Variants in LCE2B observed in about 807,000 individuals in gnomAD.
The protein encoded by LCE2B is late cornified envelope 2B, also known as late cornified envelope protein 2B.
For missense variants in LCE2B, 175 were observed against 141.6 expected, an observed-to-expected ratio of 1.24 and a Z score of -1.20; for synonymous variants, 69 against 52.0, an observed-to-expected ratio of 1.33 and a Z score of -1.40.
chr1:152,687,103 A>T lies in LCE2B; in HGVS notation c.260A>T (p.Gln87Leu). The stretch of plus-strand genomic sequence containing the variant: ...CGTCTCTTCCACCGGCGCCGGCACC[A>T]GAGCCCCGACTGCTGTGAGAGTGAA... ...RPRLFHRRRH[Q>L]SPDCCESEPS... The change falls in exon 2 of 2, where the codon CAG becomes CTG. Residue 87 changes from glutamine (Q) to leucine (L), a missense_variant. Transcript: ENST00000368780. 6.2e-7 allele frequency: 1 copy of T among 1,613,630 alleles called. No individual in the cohort carries two copies. The highest frequency in any genetic ancestry group is 8.5e-7 in the Non-Finnish European group (1 of 1,179,922).
rs539790212 is a variant in LCE2B at position 152,686,953 on chromosome 1, C to A, written c.110C>A (p.Pro37Gln). Residue 37 changes from proline to glutamine, a missense_variant, in exon 2 of 2, where the codon CCA (proline) becomes CAA (glutamine). Physicochemically the swap from Pro to Gln is moderately conservative, Grantham distance 76. Transcript: ENST00000368780. ...CCCCCTAAATGCCTGCCCCAGTGCC[C>A]AGCTCCATGTTCCCCTGCAGTCTCT... is the stretch of plus-strand genomic sequence containing the variant. ...KCPPKCLPQC[P>Q]APCSPAVSSC... 5 of 1,614,042 alleles carry A rather than the reference C, an allele frequency of 3.1e-6. No individual in the cohort carries two copies. The African/African-American group carries it at 6.7e-5, about 22-fold the overall frequency.
rs752085254 is a variant in LCE2B at position 152,687,218 on chromosome 1, C to T, written c.*42C>T. 6.3e-7 allele frequency: 1 copy of T among 1,576,176 alleles called. No individual in the cohort carries two copies. Among genetic ancestry groups the T allele is most frequent in the Non-Finnish European group, 8.6e-7 (1 of 1,162,776 alleles). ...CTCTTTGGACAGAATGTTTAAGAAC[C>T]TCCTACAGCCTGATGCTTAACCCTT... On this transcript the variant is annotated 3_prime_UTR_variant, in exon 2 of 2. Transcript: ENST00000368780.
intron 1 of LCE2B, among the ~76,000 whole-genome samples, 187 bp from the exon 2 acceptor site, chr1:152,686,637 T>C (rs948710595): frequency 6.6e-6 from 1 of 151,886 alleles, no homozygotes; most frequent in Non-Finnish European, 1.5e-5. Flanking sequence ...AATACGAAGC[T>C]CATTCGGTTG....
chr1:152,687,285 A>G lies in LCE2B; in HGVS notation c.*109A>G. The G allele has an allele frequency of 1.4e-6, 2 of 1,468,130 alleles. No individual in the cohort carries two copies. Among genetic ancestry groups the G allele is most frequent in the Non-Finnish European group, 1.8e-6 (2 of 1,099,448 alleles). The allele number at this position is 1,468,130 out of a possible 1,614,324, so 90.9% of individuals were successfully genotyped here. Reference sequence around the variant, plus strand: ...CCATTCATGGGTGGACAGCGACCACAAAGACTCATGGGGCTTCCCTGGGAG... The same window carrying G: ...CCATTCATGGGTGGACAGCGACCACGAAGACTCATGGGGCTTCCCTGGGAG... On this transcript the variant is annotated 3_prime_UTR_variant, in exon 2 of 2. Coordinates refer to ENST00000368780, the MANE Select transcript of LCE2B (RefSeq NM_014357.5).
rs1319113415 is a variant in LCE2B at position 152,687,048 on chromosome 1, G to A, written c.205G>A (p.Gly69Ser). ...SSGGCCNSGAGGCCLSHHRPR... is the reference protein window; with the variant it reads ...SSGGCCNSGASGCCLSHHRPR... ...TGGGGGCTGCTGCAACTCTGGGGCTGGTGGCTGCTGCCTGAGCCACCACAG... is the reference window on the plus strand; with the variant it reads ...TGGGGGCTGCTGCAACTCTGGGGCTAGTGGCTGCTGCCTGAGCCACCACAG... The change falls in exon 2 of 2, where the codon GGT becomes AGT. Residue 69 changes from glycine to serine, a missense_variant. Coordinates refer to ENST00000368780, the MANE Select transcript of LCE2B (RefSeq NM_014357.5). The A allele has an allele frequency of 8.7e-6, 14 of 1,613,600 alleles. No individual in the cohort carries two copies. The highest frequency in any genetic ancestry group is 1.2e-5 in the Non-Finnish European group (14 of 1,179,906).
chr1:152,686,658 G>A (rs550730925), intron 1 of LCE2B, among the ~76,000 whole-genome samples, 166 bp from the exon 2 acceptor site: 1 of 151,564 alleles, frequency 6.6e-6, no homozygotes, highest in East Asian at 1.9e-4. Context: ...GTTTTTTAAT[G>A]TATGTGCTTT....
rs1252196574 is a variant in LCE2B at position 152,687,123 on chromosome 1, A to G, written c.280A>G (p.Ser94Gly). 2 of 1,613,372 alleles carry G rather than the reference A, an allele frequency of 1.2e-6. No homozygotes were observed. Among genetic ancestry groups the G allele is most frequent in the African/African-American group, 1.3e-5 (1 of 74,698 alleles). The change falls in exon 2 of 2, where the codon AGT (serine) becomes GGT (glycine). Residue 94 changes from serine to glycine, a missense_variant. Transcript: ENST00000368780. ...RRHQSPDCCE[S>G]EPSGGSGCCH... ...GCACCAGAGCCCCGACTGCTGTGAG[A>G]GTGAACCTTCTGGGGGCTCTGGCTG... is the stretch of plus-strand genomic sequence containing the variant.
In LCE2B at chr1:152,687,329, G is replaced by A. The variant is rs41310873; in HGVS notation, c.*153G>A. The A allele has an allele frequency of 0.26, 278,523 of 1,066,122 alleles. 40,220 individuals carry two copies. Among genetic ancestry groups the A allele is most frequent in the Non-Finnish European group, 0.3 (228,416 of 753,786 alleles). The allele number at this position is 1,066,122 out of a possible 1,614,324, so 66.0% of individuals were successfully genotyped here. A position where few individuals can be genotyped will look rare whatever the true frequency, so the allele number is the denominator to read the frequency against. On this transcript the variant is annotated 3_prime_UTR_variant, in exon 2 of 2. Coordinates refer to ENST00000368780, the MANE Select transcript of LCE2B (RefSeq NM_014357.5). ...CTGGGAGAACTTTGCACTTGATGGA[G>A]CACCTCAATTGCAGGTTTTGTTTTC...
intron 1 of LCE2B, among the ~76,000 whole-genome samples, chr1:152,686,579 A>T (rs1213867495): frequency 6.6e-6 from 1 of 151,978 alleles, no homozygotes; most frequent in Non-Finnish European, 1.5e-5. Context: ...TGAATACTCT[A>T]TTCAGGCTTG....
chr1:152,686,770 T>C, intron 1 of LCE2B, 54 bp from the exon 2 acceptor site: 1 of 1,568,538 alleles, frequency 6.4e-7, no homozygotes, highest in Non-Finnish European at 8.7e-7. Flanking sequence ...TTAGAAGAGG[T>C]ATAATATGAT....
intron 1 of LCE2B, among the ~76,000 whole-genome samples, 185 bp from the exon 2 acceptor site, chr1:152,686,639 A>G (rs1184565149): frequency 1.3e-5 from 2 of 151,928 alleles, no homozygotes; most frequent in Non-Finnish European, 2.9e-5. Context: ...TACGAAGCTC[A>G]TTCGGTTGGT....
At position 152,687,192 on chromosome 1, in the gene LCE2B, A is replaced by T. The variant is rs768545518; in HGVS notation, c.*16A>T. On this transcript the variant is annotated 3_prime_UTR_variant, in exon 2 of 2. Transcript: ENST00000368780. ...CTGCTGCTGACCTGGGCTAAGAAGA[A>T]CTCTTTGGACAGAATGTTTAAGAAC... 2 of 1,601,876 alleles carry T rather than the reference A, an allele frequency of 1.2e-6. No individual in the cohort carries two copies. Among genetic ancestry groups the T allele is most frequent in the Non-Finnish European group, 1.7e-6 (2 of 1,174,702 alleles).
intron 1 of LCE2B, among the ~76,000 whole-genome samples, chr1:152,686,502 G>C (rs966841619): frequency 2.0e-5 from 3 of 151,980 alleles, no homozygotes; most frequent in Non-Finnish European, 4.4e-5. Context: ...AGGACCTCCT[G>C]GTGTGTCCTG....
rs1452609523 is a variant in LCE2B, at chr1:152,687,130, C to T, written c.287C>T (p.Pro96Leu). The T allele has an allele frequency of 6.2e-7, 1 of 1,613,928 alleles. No homozygotes were observed. The highest frequency in any genetic ancestry group is 8.5e-7 in the Non-Finnish European group (1 of 1,179,914). The change falls in exon 2 of 2, where the codon CCT (proline) becomes CTT (leucine). Residue 96 changes from proline (P) to leucine (L), a missense_variant. Coordinates refer to ENST00000368780, the MANE Select transcript of LCE2B (RefSeq NM_014357.5). ...HQSPDCCESE[P>L]SGGSGCCHSS... ...AGCCCCGACTGCTGTGAGAGTGAAC[C>T]TTCTGGGGGCTCTGGCTGCTGCCAC...
intron 1 of LCE2B, among the ~76,000 whole-genome samples, chr1:152,686,574 A>ACT (rs1649138602): frequency 6.6e-6 from 1 of 151,904 alleles, no homozygotes; most frequent in Non-Finnish European, 1.5e-5. Context: ...GAGTGTGAAT[A>ACT]CTCTATTCAG....
chr1:152,687,207 TG>T lies in LCE2B; in HGVS notation c.*32del. On this transcript the variant is annotated 3_prime_UTR_variant, in exon 2 of 2. Transcript: ENST00000368780. Reference sequence around the variant, plus strand: ...GCTAAGAAGAACTCTTTGGACAGAATGTTTAAGAACCTCCTACAGCCTGATG... The same window carrying T: ...GCTAAGAAGAACTCTTTGGACAGAATTTTAAGAACCTCCTACAGCCTGATG... The T allele has an allele frequency of 6.3e-7, 1 of 1,595,032 alleles. No homozygotes were observed. Among genetic ancestry groups the T allele is most frequent in the Non-Finnish European group, 8.5e-7 (1 of 1,171,396 alleles).
Position 152,686,906 on chromosome 1 carries a change from C to A in LCE2B, c.63C>A (p.Thr21=). The A allele has an allele frequency of 1.2e-6, 2 of 1,614,090 alleles. No individual in the cohort carries two copies. The highest frequency in any genetic ancestry group is 1.1e-5 in the South Asian group (1 of 91,062). Residue 21 remains threonine, a synonymous_variant, in exon 2 of 2, where the codon ACC becomes ACA. Coordinates refer to ENST00000368780, the MANE Select transcript of LCE2B (RefSeq NM_014357.5). ...QPPPKCPPKC[T]PKCPPKCPPK... ...CTCCCAAGTGTCCTCCCAAGTGTACCCCAAAATGTCCACCTAAGTGTCCCC... is the reference window on the plus strand; with the variant it reads ...CTCCCAAGTGTCCTCCCAAGTGTACACCAAAATGTCCACCTAAGTGTCCCC...
chr1:152,686,465 A>G (rs1649133542), intron 1 of LCE2B, among the ~76,000 whole-genome samples: 1 of 147,846 alleles, frequency 6.8e-6, no homozygotes, highest in Non-Finnish European at 1.5e-5. Flanking sequence ...TTTTATCTGG[A>G]GGTTTCATTG....
At chr1:152,686,552 C>T (rs942143804) in intron 1 of LCE2B, among the ~76,000 whole-genome samples, 1 of 151,910 alleles carries the variant, frequency 6.6e-6, no homozygotes, top group African/African-American at 2.4e-5. Context: ...TTAAGGGAAT[C>T]GGTACTTCAT....
Sources: gnomAD v4.1 joint callset for allele counts (sites outside exome capture counted in the v4.1 genomes callset) on GRCh38, gnomAD v4.1.1 for gene constraint, MANE v1.5 for transcripts, NCBI Gene and HGNC (gene_info 2026-07-23, HGNC 2026-07-21) for gene names.